ANKRD33: variants seen among roughly 807,000 people sequenced by gnomAD.
The protein encoded by ANKRD33 is ankyrin repeat domain 33.
A neutral mutation model predicts 20.6 loss-of-function variants in ANKRD33; 20 were observed. The ratio of observed to expected loss-of-function variants is 0.97; its 90% confidence interval spans 0.68 to 1.41. ANKRD33 has a LOEUF of 1.41. Ranked by LOEUF, ANKRD33 falls within the 40% of genes most tolerant of loss-of-function variation. The pLI, the probability that ANKRD33 is intolerant of heterozygous loss-of-function variation, is 0.00. For missense variants in ANKRD33, 545 were observed against 579.6 expected (o/e 0.94, Z 0.61); for synonymous variants, 246 against 245.0 (o/e 1.00, Z -0.04).
At position 51,888,125 on chromosome 12, in the gene ANKRD33, A is replaced by G. The variant is rs899149165; in HGVS notation, c.-62A>G. On this transcript the variant is annotated 5_prime_UTR_variant, in exon 1 of 5. The change abolishes an upstream ATG in the 5' untranslated region. Transcript: ENST00000301190. ...CCTGAGACGTGACCACCCGCCCCGC[A>G]TGGGGCCCCAGTCCCAGCTGCTTGA... is the stretch of plus-strand genomic sequence containing the variant. 8.2e-6 allele frequency: 13 copies of G among 1,589,862 alleles called. No homozygotes were observed. The East Asian group carries it at 2.9e-4, about 36-fold the overall frequency.
At position 51,888,145 on chromosome 12, in the gene ANKRD33, G is replaced by A; in HGVS notation, c.-42G>A. 1 of 1,606,516 alleles carries A rather than the reference G, an allele frequency of 6.2e-7. No homozygotes were observed. The highest frequency in any genetic ancestry group is 8.5e-7 in the Non-Finnish European group (1 of 1,175,936). On this transcript the variant is annotated 5_prime_UTR_variant, in exon 1 of 5. Transcript: ENST00000301190. ...CCCGCATGGGGCCCCAGTCCCAGCTGCTTGATCCGGCTCAGCCCCGAGGTG... is the reference window on the plus strand; with the variant it reads ...CCCGCATGGGGCCCCAGTCCCAGCTACTTGATCCGGCTCAGCCCCGAGGTG...
At position 51,891,197 on chromosome 12, in the gene ANKRD33, G is replaced by T. The variant is rs1940418656; in HGVS notation, c.1251G>T (p.Lys417Asn). Residue 417 changes from lysine to asparagine, a missense_variant, in exon 5 of 5, where the codon AAG becomes AAT. Transcript: ENST00000301190. ...ASSSSHQCQP[K>N]PSPSGHQSLA... ...CATCCTCCCACCAGTGCCAGCCGAA[G>T]CCCAGTCCTTCAGGACACCAAAGTC... is the stretch of plus-strand genomic sequence containing the variant. The T allele has an allele frequency of 2.5e-6, 4 of 1,614,274 alleles. No individual in the cohort carries two copies. The highest frequency in any genetic ancestry group is 3.4e-6 in the Non-Finnish European group (4 of 1,180,060).
Position 51,890,058 on chromosome 12 carries a change from CT to C in ANKRD33, c.638-525del, listed in dbSNP as rs767729544. ...CTCTGCTGGTCACTCTGGGGGACCC[CT>C]GCCTCCATTTTTCCCTTCCCCACAC... On this transcript the variant is annotated intron_variant, in intron 4 of 4. Coordinates refer to ENST00000301190, the MANE Select transcript of ANKRD33 (RefSeq NM_182608.4). 74 of 250,406 alleles carry C rather than the reference CT, an allele frequency of 3.0e-4. 1 individual carries two copies. The highest frequency in any genetic ancestry group is 1.5e-3 in the African/African-American group (68 of 45,570). The allele number at this position is 250,406 out of a possible 1,614,324, so 15.5% of individuals were successfully genotyped here.
At chr12:51,890,003 G>A (rs1264962919) in intron 4 of ANKRD33, 3 of 219,918 alleles carry the variant, frequency 1.4e-5, no homozygotes, top group African/African-American at 4.5e-5. Context: ...GAGTTGTTTG[G>A]GGGCCCTTCT....
In ANKRD33 at chr12:51,890,902, T is replaced by C; in HGVS notation, c.956T>C (p.Phe319Ser). The change falls in exon 5 of 5, where the codon TTC becomes TCC. Residue 319 changes from phenylalanine to serine, a missense_variant. Physicochemically the swap from Phe to Ser is radical, Grantham distance 155. Coordinates refer to ENST00000301190, the MANE Select transcript of ANKRD33 (RefSeq NM_182608.4). ...VTATTSLASP[F>S]VTTACHTLCP... ...GCCACAACCAGCCTGGCCAGTCCCT[T>C]CGTCACCACTGCCTGCCACACTCTG... is the stretch of plus-strand genomic sequence containing the variant. 1 of 1,613,484 alleles carries C rather than the reference T, an allele frequency of 6.2e-7. No individual in the cohort carries two copies. The highest frequency in any genetic ancestry group is 8.5e-7 in the Non-Finnish European group (1 of 1,179,988).
chr12:51,891,297 C>G lies in ANKRD33; in HGVS notation c.1351C>G (p.Gln451Glu). The stretch of plus-strand genomic sequence containing the variant: ...ACAGGAGGAGGAGGCCAGAATGGCA[C>G]AGAAGTAGGGGAAGATGGGATAGGA... ...RKQEEEARMA[Q>E]K is the part of the protein sequence containing the mutation. The change falls in exon 5 of 5, where the codon CAG becomes GAG. Residue 451 changes from glutamine (Q) to glutamate (E), a missense_variant. Physicochemically the swap from Gln to Glu is conservative, Grantham distance 29 (BLOSUM62 2). Transcript: ENST00000301190. The G allele has an allele frequency of 1.2e-6, 2 of 1,613,956 alleles. No homozygotes were observed. Among genetic ancestry groups the G allele is most frequent in the East Asian group, 2.2e-5 (1 of 44,880 alleles).
At chr12:51,889,028 CA>C (rs745958001) in intron 2 of ANKRD33, 38 bp from the exon 3 acceptor site, 9 of 1,613,266 alleles carry the variant, frequency 5.6e-6, no homozygotes, top group South Asian at 4.4e-5. Flanking sequence ...TGGAGTGGCC[CA>C]GGGGGAAAGC....
At chr12:51,889,655 G>T (rs1219056883) in intron 4 of ANKRD33, 173 bp downstream of exon 4, 1 of 1,262,950 alleles carries the variant, frequency 7.9e-7, no homozygotes, top group Non-Finnish European at 1.1e-6. Context: ...CTGGAGGGGG[G>T]GGCACATGAT....
Position 51,890,693 on chromosome 12 carries a change from G to A in ANKRD33, c.747G>A (p.Arg249=), listed in dbSNP as rs754079365. ...TVWRIRQLLR[R]PQVEQLSQHY... ...GGAGGATTCGGCAGCTGCTGAGGCGGCCCCAAGTGGAGCAGCTTAGCCAGC... is the reference window on the plus strand; with the variant it reads ...GGAGGATTCGGCAGCTGCTGAGGCGACCCCAAGTGGAGCAGCTTAGCCAGC... The change falls in exon 5 of 5, where the codon CGG becomes CGA. Residue 249 remains arginine, a synonymous_variant. Transcript: ENST00000301190. 16 of 1,604,392 alleles carry A rather than the reference G, an allele frequency of 1.0e-5. No individual in the cohort carries two copies. The highest frequency in any genetic ancestry group is 1.3e-5 in the Non-Finnish European group (15 of 1,179,968).
At chr12:51,889,322 C>A (rs1313821190) in intron 3 of ANKRD33, 50 bp from the exon 4 acceptor site, 4 of 1,607,394 alleles carry the variant, frequency 2.5e-6, no homozygotes, top group African/African-American at 1.3e-5. Context: ...GGTTTGGGAG[C>A]TTCATCACCC....
At position 51,891,653 on chromosome 12, in the gene ANKRD33, T is replaced by G. The variant is rs1035451122; in HGVS notation, c.*348T>G. ...GTATAAAGTAAAAATAACTAAGGAG[T>G]GGAACAGTGTATATGGCATATTATT... On this transcript the variant is annotated 3_prime_UTR_variant, in exon 5 of 5. Transcript: ENST00000301190. The G allele has an allele frequency of 2.7e-5, 8 of 296,870 alleles. No individual in the cohort carries two copies. Among genetic ancestry groups the G allele is most frequent in the African/African-American group, 1.7e-4 (8 of 47,450 alleles). 18.4% of individuals were successfully genotyped at this position (296,870 alleles called of 1,614,324 possible).
rs532745983 is a variant in ANKRD33 at position 51,891,013 on chromosome 12, C to A, written c.1067C>A (p.Pro356His). 6.2e-7 allele frequency: 1 copy of A among 1,613,808 alleles called. No homozygotes were observed. Among genetic ancestry groups the A allele is most frequent in the Admixed American group, 1.7e-5 (1 of 60,030 alleles). Residue 356 changes from proline to histidine, a missense_variant, in exon 5 of 5, where the codon CCC (proline) becomes CAC (histidine). Coordinates refer to ENST00000301190, the MANE Select transcript of ANKRD33 (RefSeq NM_182608.4). Reference protein sequence around the residue: ...LGTAPPPPLVPQSPPGSPQRS... With the variant: ...LGTAPPPPLVHQSPPGSPQRS... ...ACTGCCCCGCCCCCTCCCCTGGTTC[C>A]CCAGTCCCCGCCAGGGAGTCCCCAG...
intron 1 of ANKRD33, 112 bp downstream of exon 1, chr12:51,888,443 T>G: frequency 6.3e-7 from 1 of 1,576,886 alleles, no homozygotes; most frequent in East Asian, 2.2e-5. Context: ...TCAGGGTGGA[T>G]GGGGCGAGAC....
In ANKRD33 at chr12:51,890,486, G is replaced by A. The variant is rs111335826; in HGVS notation, c.638-98G>A. On this transcript the variant is annotated intron_variant, in intron 4 of 4. Transcript: ENST00000301190. ...CAACAGGATGGGACTCTATGGCTTC[G>A]AATGTAACCCACATCAGTCTTGCTC... The A allele has an allele frequency of 7.5e-5, 115 of 1,536,848 alleles. 1 individual carries two copies. The African/African-American group carries it at 1.1e-3, about 14-fold the overall frequency.
In ANKRD33 at chr12:51,890,634, T is replaced by A; in HGVS notation, c.688T>A (p.Trp230Arg). ...TGTTCGGGGCAAGACGGCCCTGGAA[T>A]GGGCAGTGCTGACCGACAGCTTCGA... ...DPVRGKTALE[W>R]AVLTDSFDTV... The change falls in exon 5 of 5, where the codon TGG (tryptophan) becomes AGG (arginine). Residue 230 changes from tryptophan to arginine, a missense_variant. Physicochemically the swap from Trp to Arg is moderately radical, Grantham distance 101. Transcript: ENST00000301190. 3.1e-6 allele frequency: 5 copies of A among 1,609,894 alleles called. No homozygotes were observed. The highest frequency in any genetic ancestry group is 4.2e-6 in the Non-Finnish European group (5 of 1,179,992).
intron 1 of ANKRD33, 28 bp downstream of exon 1, chr12:51,888,359 G>A (rs1323781546): frequency 6.2e-7 from 1 of 1,613,470 alleles, no homozygotes; most frequent in Non-Finnish European, 8.5e-7. Flanking sequence ...CCCTCTCTCC[G>A]TGAGTCTCAC....
In ANKRD33 at chr12:51,890,904, G is replaced by A. The variant is rs377253810; in HGVS notation, c.958G>A (p.Val320Ile). The A allele has an allele frequency of 3.2e-5, 51 of 1,613,272 alleles. No individual in the cohort carries two copies. Among genetic ancestry groups the A allele is most frequent in the Middle Eastern group, 1.6e-4 (1 of 6,084 alleles). Residue 320 changes from valine (V) to isoleucine (I), a missense_variant, in exon 5 of 5, where the codon GTC (valine) becomes ATC (isoleucine). Physicochemically the swap from Val to Ile is conservative, Grantham distance 29 (BLOSUM62 3). Coordinates refer to ENST00000301190, the MANE Select transcript of ANKRD33 (RefSeq NM_182608.4). ...TATTSLASPF[V>I]TTACHTLCPD... ...CACAACCAGCCTGGCCAGTCCCTTC[G>A]TCACCACTGCCTGCCACACTCTGTG...
In ANKRD33 at chr12:51,890,666, G is replaced by T. The variant is rs1204903292; in HGVS notation, c.720G>T (p.Val240=). Reference sequence around the variant, plus strand: ...TGCTGACCGACAGCTTCGACACCGTGTGGAGGATTCGGCAGCTGCTGAGGC... The same window carrying T: ...TGCTGACCGACAGCTTCGACACCGTTTGGAGGATTCGGCAGCTGCTGAGGC... ...WAVLTDSFDT[V]WRIRQLLRRP... is the part of the protein sequence containing the mutation. Residue 240 remains valine (V), a synonymous_variant, in exon 5 of 5, where the codon GTG becomes GTT. Transcript: ENST00000301190. 6.2e-7 allele frequency: 1 copy of T among 1,606,974 alleles called. No individual in the cohort carries two copies.
In ANKRD33 at chr12:51,889,146, A is replaced by G. The variant is rs778365098; in HGVS notation, c.476A>G (p.Asn159Ser). 4 of 1,614,112 alleles carry G rather than the reference A, an allele frequency of 2.5e-6. No individual in the cohort carries two copies. Among genetic ancestry groups the G allele is most frequent in the Non-Finnish European group, 3.4e-6 (4 of 1,180,010 alleles). Reference sequence around the variant, plus strand: ...AGCCACTGTCCTTTCCTTGATGTGAACCAGCAGGACAAAGGAGGGGACACG... The same window carrying G: ...AGCCACTGTCCTTTCCTTGATGTGAGCCAGCAGGACAAAGGAGGGGACACG... ...LLSHCPFLDV[N>S]QQDKGGDTAL... Residue 159 changes from asparagine to serine, a missense_variant, in exon 3 of 5, where the codon AAC (asparagine) becomes AGC (serine). Transcript: ENST00000301190.
Sources: gnomAD v4.1 joint callset for allele counts on GRCh38, gnomAD v4.1.1 for gene constraint, MANE v1.5 for transcripts, NCBI Gene and HGNC (gene_info 2026-07-23, HGNC 2026-07-21) for gene names.